NCKAP5: variants seen among roughly 807,000 people sequenced by gnomAD.
NCKAP5 encodes NCK associated protein 5, also known as nck-associated protein 5.
A neutral mutation model predicts 167.0 loss-of-function variants in NCKAP5; 92 were observed. The observed-to-expected ratio is 0.55, with a 90% CI of 0.47 to 0.66. NCKAP5 has a LOEUF of 0.66. Ranked by LOEUF, NCKAP5 falls within the 30% of genes least tolerant of loss-of-function variation. NCKAP5 has a pLI of 0.00. For synonymous variants in NCKAP5, 891 were observed against 877.4 expected (o/e 1.02, Z -0.27); for missense variants, 2,378 against 2,315.0 (o/e 1.03, Z -0.56).
the NCKAP5 span, among the ~76,000 whole-genome samples, chr2:133,592,659 A>G: frequency 1.3e-5 from 2 of 152,226 alleles, no homozygotes; most frequent in Non-Finnish European, 2.9e-5. Flanking sequence ...AAATACTGAA[A>G]TAGATTAATA....
chr2:133,132,071 C>T (rs1324911193), intron 5 of NCKAP5, among the ~76,000 whole-genome samples: 6 of 152,040 alleles, frequency 3.9e-5, no homozygotes, highest in South Asian at 4.2e-4. Context: ...GGGTGGATCA[C>T]GAGGTCAGGA....
chr2:132,797,931 A>C (rs1428145036), intron 11 of NCKAP5, among the ~76,000 whole-genome samples: 1 of 152,220 alleles, frequency 6.6e-6, no homozygotes, highest in African/African-American at 2.4e-5. Flanking sequence ...CACCTCCTGA[A>C]GGATGGCACT....
chr2:133,285,297 G>T (rs2090067991), intron 4 of NCKAP5, among the ~76,000 whole-genome samples: 2 of 152,176 alleles, frequency 1.3e-5, no homozygotes, highest in Non-Finnish European at 2.9e-5. Flanking sequence ...CTTCACCAAT[G>T]TGACAAAGAT....
intron 4 of NCKAP5, among the ~76,000 whole-genome samples, chr2:133,289,968 A>G (rs1679454586): frequency 6.6e-6 from 1 of 152,126 alleles, no homozygotes; most frequent in Admixed American, 6.5e-5. Context: ...TATCACGAGA[A>G]CAGCAAGGGG....
intron 19 of NCKAP5, among the ~76,000 whole-genome samples, chr2:132,715,288 T>C (rs1171866071): frequency 6.6e-6 from 1 of 152,170 alleles, no homozygotes; most frequent in East Asian, 1.9e-4. Flanking sequence ...TCAAGAAAGT[T>C]CCTTCTACTG....
chr2:132,814,658 G>C (rs1332559171), intron 11 of NCKAP5, among the ~76,000 whole-genome samples: 1 of 152,140 alleles, frequency 6.6e-6, no homozygotes, highest in Admixed American at 6.5e-5. Flanking sequence ...AGATAGAAGT[G>C]ATCTCAAGAC....
chr2:132,842,991 T>A (rs1448647393), intron 11 of NCKAP5, among the ~76,000 whole-genome samples: 1 of 152,210 alleles, frequency 6.6e-6, no homozygotes, highest in Non-Finnish European at 1.5e-5. Context: ...TGGAGTGTAT[T>A]TTATAATTTC....
chr2:132,908,211 C>T (rs929419426), intron 8 of NCKAP5, among the ~76,000 whole-genome samples: 2 of 151,984 alleles, frequency 1.3e-5, no homozygotes, highest in Non-Finnish European at 2.9e-5. Context: ...TATATTTACA[C>T]ATCTAAATTA....
At chr2:133,018,267 G>A (rs930518071) in intron 6 of NCKAP5, among the ~76,000 whole-genome samples, 14 of 152,262 alleles carry the variant, frequency 9.2e-5, no homozygotes, top group East Asian at 3.9e-4. Flanking sequence ...AGGAAGCCAC[G>A]TAGAAGAGGC....
At chr2:133,520,316 A>C (rs1463467552) in intron 2 of NCKAP5, among the ~76,000 whole-genome samples, 1 of 152,216 alleles carries the variant, frequency 6.6e-6, no homozygotes, top group African/African-American at 2.4e-5. Context: ...CTTGTAAGCT[A>C]ATGTATCTCT....
At chr2:132,992,495 GT>G (rs1229943355) in intron 7 of NCKAP5, among the ~76,000 whole-genome samples, 1 of 152,168 alleles carries the variant, frequency 6.6e-6, no homozygotes, top group Non-Finnish European at 1.5e-5. Context: ...TGATTATTTA[GT>G]TTTAATGAAG....
intron 4 of NCKAP5, among the ~76,000 whole-genome samples, chr2:133,299,684 G>A (rs929359216): frequency 6.6e-6 from 1 of 152,168 alleles, no homozygotes; most frequent in Non-Finnish European, 1.5e-5. Context: ...CAGGGAGGTG[G>A]AGGTTGCAGT....
Position 133,429,940 on chromosome 2 carries a change from C to A in NCKAP5, c.69+87518G>T, listed in dbSNP as rs138026668. Among the ~76,000 whole-genome samples the A allele has an allele frequency of 4.3e-3, 662 of 152,278 alleles. 2 individuals are homozygous for A. The highest frequency in any genetic ancestry group is 0.013 in the African/African-American group (550 of 41,574). On this transcript the variant is annotated intron_variant, in intron 3 of 19. Coordinates refer to ENST00000409261, the MANE Select transcript of NCKAP5 (RefSeq NM_207363.3). ...CTGAACTAATTTGCATTCCCACTAA[C>A]AGTGTATAAGTGTTCCCTTTTTCTC...
intron 4 of NCKAP5, among the ~76,000 whole-genome samples, chr2:133,297,718 G>A (rs565007978): frequency 1.6e-4 from 25 of 152,284 alleles, no homozygotes; most frequent in Admixed American, 1.4e-3. Context: ...GTCCTCAAAG[G>A]TGGTAGCCAT....
chr2:132,844,877 C>T (rs1056241334), intron 11 of NCKAP5, among the ~76,000 whole-genome samples: 1 of 152,126 alleles, frequency 6.6e-6, no homozygotes, highest in African/African-American at 2.4e-5. Context: ...TATAACCTTG[C>T]CAGAAACGCA....
At chr2:133,633,553 T>C in the NCKAP5 span, among the ~76,000 whole-genome samples, 2 of 152,156 alleles carry the variant, frequency 1.3e-5, no homozygotes, top group Non-Finnish European at 2.9e-5. Flanking sequence ...AAAGTGAATA[T>C]GAGACAGCAC....
intron 3 of NCKAP5, among the ~76,000 whole-genome samples, chr2:133,412,574 C>T (rs1688843848): frequency 6.6e-6 from 1 of 152,108 alleles, no homozygotes; most frequent in South Asian, 2.1e-4. Flanking sequence ...CACTATTGAC[C>T]AGGAATGACC....
At chr2:133,628,854 T>C in the NCKAP5 span, among the ~76,000 whole-genome samples, 1 of 152,050 alleles carries the variant, frequency 6.6e-6, no homozygotes, top group Admixed American at 6.6e-5. Context: ...CCATCAGATC[T>C]TCAACAAACC....
chr2:132,761,938 C>T (rs188682490), intron 16 of NCKAP5, among the ~76,000 whole-genome samples: 24 of 152,296 alleles, frequency 1.6e-4, no homozygotes, highest in African/African-American at 5.5e-4. Context: ...CAAGCATCTA[C>T]AAAAGGGACC....
Sources: gnomAD v4.1 joint callset for allele counts (sites outside exome capture counted in the v4.1 genomes callset) on GRCh38, gnomAD v4.1.1 for gene constraint, MANE v1.5 for transcripts, NCBI Gene and HGNC (gene_info 2026-07-23, HGNC 2026-07-21) for gene names.